Variants in MPZL2 observed in about 807,000 individuals in gnomAD.
MPZL2 encodes myelin protein zero-like protein 2.
MPZL2 carries 32 observed loss-of-function variants against 24.5 expected under a neutral mutation model. The observed-to-expected ratio is 1.31, with a 90% CI of 0.99 to 1.76. The LOEUF (loss-of-function observed/expected upper bound fraction) is 1.76. MPZL2 is among the 40% of genes most tolerant of loss of function. The probability of loss-of-function intolerance (pLI) is 0.00; values close to 1 mark genes in which losing one functional copy is unlikely to be tolerated. For synonymous variants in MPZL2, 92 were observed against 97.9 expected (o/e 0.94, Z 0.36); for missense variants, 304 against 274.9 (o/e 1.11, Z -0.75).
chr11:118,263,348 A>G (rs1193386652), intron 1 of MPZL2: 1 of 464,252 alleles, frequency 2.2e-6, no homozygotes, highest in East Asian at 3.7e-5. Flanking sequence ...TCTCCACAGC[A>G]TTAAAGCCTC....
At chr11:118,263,180 T>C in intron 1 of MPZL2, 83 bp from the exon 2 acceptor site, 2 of 1,390,194 alleles carry the variant, frequency 1.4e-6, no homozygotes, top group Non-Finnish European at 2.0e-6. Flanking sequence ...AAAATAAATA[T>C]CTGAGTAGGA....
chr11:118,264,219 A>G lies in MPZL2; in HGVS notation c.-66T>C. ...GACCGAGGGCTCCAACACCCTGCCAAGGCCACTCCGGGAGGAGCAAGCACC... is the reference window on the plus strand; with the variant it reads ...GACCGAGGGCTCCAACACCCTGCCAGGGCCACTCCGGGAGGAGCAAGCACC... On this transcript the variant is annotated 5_prime_UTR_variant, in exon 1 of 6. Coordinates refer to ENST00000278937, the MANE Select transcript of MPZL2 (RefSeq NM_005797.4). 1 of 1,507,950 alleles carries G rather than the reference A, an allele frequency of 6.6e-7. No homozygotes were observed. The allele number at this position is 1,507,950 out of a possible 1,614,324, so 93.4% of individuals were successfully genotyped here. A position where few individuals can be genotyped will look rare whatever the true frequency, so the allele number is the denominator to read the frequency against.
At chr11:118,255,747 A>G (rs1408829287) in intron 5 of MPZL2, among the ~76,000 whole-genome samples, 1 of 152,110 alleles carries the variant, frequency 6.6e-6, no homozygotes, top group East Asian at 1.9e-4. Flanking sequence ...AAATAGGTAC[A>G]TTTTCTTTAT....
Position 118,262,918 on chromosome 11 carries a change from A to G in MPZL2, c.225+13T>C, listed in dbSNP as rs1314222901. The G allele has an allele frequency of 6.2e-7, 1 of 1,611,828 alleles. No individual in the cohort carries two copies. Among genetic ancestry groups the G allele is most frequent in the East Asian group, 2.2e-5 (1 of 44,884 alleles). ...AACAAGAGTACCCTGGAAAATGATGATAATCTACTTACAAACTGCTCAGGT... is the reference window on the plus strand; with the variant it reads ...AACAAGAGTACCCTGGAAAATGATGGTAATCTACTTACAAACTGCTCAGGT... On this transcript the variant is annotated intron_variant, in intron 2 of 5. Transcript: ENST00000278937.
At chr11:118,257,202 G>C (rs368354552) in intron 5 of MPZL2, 36 bp downstream of exon 5, 1 of 1,480,732 alleles carries the variant, frequency 6.8e-7, no homozygotes, top group African/African-American at 1.4e-5. Context: ...ATGTCAGAAA[G>C]CTGAAGAAAG....
Position 118,260,123 on chromosome 11 carries a change from A to T in MPZL2, c.515T>A (p.Val172Glu). Reference protein sequence around the residue: ...CALMIIIVIVVVLFQHYRKKR... With the variant: ...CALMIIIVIVEVLFQHYRKKR... ...TTTCCGGTAATGCTGGAAGAGGACC[A>T]CTACAATTACTATTATGATCATCAG... The change falls in exon 4 of 6, where the codon GTG (valine) becomes GAG (glutamate). Residue 172 changes from valine to glutamate, a missense_variant. By Grantham distance (121) the Val-to-Glu change is moderately radical (BLOSUM62 -2). Transcript: ENST00000278937. 1.2e-6 allele frequency: 2 copies of T among 1,614,122 alleles called. No individual in the cohort carries two copies. The highest frequency in any genetic ancestry group is 1.7e-6 in the Non-Finnish European group (2 of 1,179,976).
At position 118,264,290 on chromosome 11, in the gene MPZL2, C is replaced by T. The variant is rs996578542; in HGVS notation, c.-137G>A. On this transcript the variant is annotated 5_prime_UTR_variant, in exon 1 of 6. Coordinates refer to ENST00000278937, the MANE Select transcript of MPZL2 (RefSeq NM_005797.4). ...GTTTGAGTTGAGTTCCTCACCTGTG[C>T]CTGTGACTCAGCCCGCTCTGCCTGT... 18 of 768,958 alleles carry T rather than the reference C, an allele frequency of 2.3e-5. No individual in the cohort carries two copies. The African/African-American group carries it at 2.7e-4, about 12-fold the overall frequency. The allele number at this position is 768,958 out of a possible 1,614,324, so 47.6% of individuals were successfully genotyped here.
intron 1 of MPZL2, 33 bp downstream of exon 1, chr11:118,264,063 A>C (rs1353678106): frequency 7.5e-6 from 12 of 1,604,286 alleles, no homozygotes; most frequent in Non-Finnish European, 1.0e-5. Flanking sequence ...GCAGTGAAGG[A>C]GGAAACTCTG....
rs1435886090 is a variant in MPZL2 at position 118,262,418 on chromosome 11, C to A, written c.436+20G>T. The stretch of plus-strand genomic sequence containing the variant: ...CAAGCTCTCATCCTTTCCAAAACCA[C>A]TGTTCCCTGCATAACCTACCAGTGT... On this transcript the variant is annotated intron_variant, in intron 3 of 5. Transcript: ENST00000278937. 1 of 1,612,096 alleles carries A rather than the reference C, an allele frequency of 6.2e-7. No homozygotes were observed. Among genetic ancestry groups the A allele is most frequent in the Non-Finnish European group, 8.5e-7 (1 of 1,179,108 alleles).
chr11:118,263,462 G>C (rs1591506198), intron 1 of MPZL2, among the ~76,000 whole-genome samples: 2 of 152,184 alleles, frequency 1.3e-5, no homozygotes, highest in Admixed American at 6.5e-5. Context: ...ACATTGATTA[G>C]ACATTACATT....
intron 2 of MPZL2, 95 bp downstream of exon 2, chr11:118,262,836 C>T (rs1949710606): frequency 6.8e-7 from 1 of 1,479,612 alleles, no homozygotes; most frequent in Non-Finnish European, 9.2e-7. Flanking sequence ...CTTGTGCTTG[C>T]TGCTAAGAAA....
At chr11:118,259,253 C>G (rs7937980) in intron 4 of MPZL2, 1 of 151,948 alleles carries the variant, frequency 6.6e-6, no homozygotes, top group East Asian at 1.9e-4. Context: ...AGCCAACAAG[C>G]AGAAAAAACC....
chr11:118,260,109 G>A lies in MPZL2; in HGVS notation c.529C>T (p.His177Tyr). The part of the protein sequence containing the change: ...IIVIVVVLFQ[H>Y]YRKKRWAERA... ...TCGGCCCATCGCTTTTTCCGGTAAT[G>A]CTGGAAGAGGACCACTACAATTACT... The change falls in exon 4 of 6, where the codon CAT becomes TAT. Residue 177 changes from histidine (H) to tyrosine (Y), a missense_variant. His to Tyr is a moderately conservative substitution (Grantham distance 83). Transcript: ENST00000278937. The A allele has an allele frequency of 6.2e-7, 1 of 1,614,086 alleles. No individual in the cohort carries two copies. The highest frequency in any genetic ancestry group is 1.7e-5 in the Admixed American group (1 of 60,020).
At chr11:118,257,702 G>C (rs1341852246) in intron 4 of MPZL2, 2 of 156,766 alleles carry the variant, frequency 1.3e-5, no homozygotes, top group Non-Finnish European at 2.8e-5. Context: ...AGTTGGGTTT[G>C]TTAGGCTTCT....
At chr11:118,260,455 A>C (rs551018887) in intron 3 of MPZL2, among the ~76,000 whole-genome samples, 1 of 152,158 alleles carries the variant, frequency 6.6e-6, no homozygotes, top group Admixed American at 6.5e-5. Context: ...CTTAGGCCCC[A>C]CCCCAGACCT....
At chr11:118,263,139 T>C (rs907387259) in intron 1 of MPZL2, 42 bp from the exon 2 acceptor site, 1 of 1,583,224 alleles carries the variant, frequency 6.3e-7, no homozygotes, top group Non-Finnish European at 8.6e-7. Flanking sequence ...ACAGGGGATG[T>C]AGTATTGTGA....
At chr11:118,257,632 T>A (rs1021106906) in intron 4 of MPZL2, 9 of 200,954 alleles carry the variant, frequency 4.5e-5, no homozygotes, top group Admixed American at 1.8e-4. Context: ...AAAAAAAAAA[T>A]AAAAAGTTTT....
At chr11:118,262,835 G>T in intron 2 of MPZL2, 96 bp downstream of exon 2, 1 of 1,474,040 alleles carries the variant, frequency 6.8e-7, no homozygotes, top group Non-Finnish European at 9.3e-7. Context: ...CCTTGTGCTT[G>T]CTGCTAAGAA....
chr11:118,262,804 A>G, intron 2 of MPZL2, 127 bp downstream of exon 2: 1 of 1,396,622 alleles, frequency 7.2e-7, no homozygotes, highest in African/African-American at 1.4e-5. Context: ...TCTCTGTCCC[A>G]AGAATTGTTT....
Sources: gnomAD v4.1 joint callset for allele counts (sites outside exome capture counted in the v4.1 genomes callset) on GRCh38, gnomAD v4.1.1 for gene constraint, MANE v1.5 for transcripts, NCBI Gene and HGNC (gene_info 2026-07-23, HGNC 2026-07-21) for gene names.